ADARB2: variants seen among roughly 807,000 people sequenced by gnomAD.
ADARB2 encodes adenosine deaminase RNA specific B2 (inactive), also known as inactive double-stranded RNA-specific editase B2.
In ADARB2, 25 loss-of-function variants were observed where a neutral mutation model predicts 62.2. The ratio of observed to expected loss-of-function variants is 0.40; its 90% CI spans 0.29 to 0.56. The LOEUF is 0.56. Ranked by LOEUF, ADARB2 falls within the 20% of genes least tolerant of loss-of-function variation. ADARB2 has a pLI of 0.43. For missense variants in ADARB2, 1,071 were observed against 1,077.4 expected (o/e 0.99, Z 0.08); for synonymous variants, 572 against 500.8 (o/e 1.14, Z -1.90).
intron 1 of ADARB2, among the ~76,000 whole-genome samples, chr10:1,503,951 C>T (rs1427836244): frequency 6.6e-6 from 1 of 152,150 alleles, no homozygotes; most frequent in Non-Finnish European, 1.5e-5. Flanking sequence ...CCATTTAAAC[C>T]TCTTTTCTTT....
At chr10:1,554,575 G>A (rs567298191) in intron 1 of ADARB2, among the ~76,000 whole-genome samples, 1 of 152,014 alleles carries the variant, frequency 6.6e-6, no homozygotes, top group Non-Finnish European at 1.5e-5. Flanking sequence ...GGCACAGATG[G>A]CTTCCCTTCA....
chr10:1,562,764 G>A (rs781166214), intron 1 of ADARB2, among the ~76,000 whole-genome samples: 3 of 152,226 alleles, frequency 2.0e-5, no homozygotes, highest in African/African-American at 4.8e-5. Flanking sequence ...TTTGCCTCAC[G>A]TTCTTCAGTA....
At chr10:1,188,820 G>C (rs1207627680) in intron 8 of ADARB2, among the ~76,000 whole-genome samples, 1 of 152,188 alleles carries the variant, frequency 6.6e-6, no homozygotes, top group Non-Finnish European at 1.5e-5. Flanking sequence ...CTCACTATTA[G>C]GTTTGCCGTT....
chr10:1,457,789 G>C (rs1422160549), intron 1 of ADARB2, among the ~76,000 whole-genome samples: 1 of 152,006 alleles, frequency 6.6e-6, no homozygotes, highest in Non-Finnish European at 1.5e-5. Context: ...CCCTAAGACT[G>C]AGTTCTGTGG....
intron 1 of ADARB2, among the ~76,000 whole-genome samples, chr10:1,668,200 T>A (rs1373275257): frequency 6.6e-6 from 1 of 152,150 alleles, no homozygotes; most frequent in Non-Finnish European, 1.5e-5. Flanking sequence ...TTGGGTTCAG[T>A]CTCTCTCTCC....
chr10:1,199,255 G>A (rs1319894793), intron 8 of ADARB2, among the ~76,000 whole-genome samples: 3 of 151,564 alleles, frequency 2.0e-5, no homozygotes, highest in East Asian at 1.9e-4. Flanking sequence ...GCCAGGAGTC[G>A]CCTCCTGTCA....
At chr10:1,647,337 G>A (rs918946096) in intron 1 of ADARB2, among the ~76,000 whole-genome samples, 1 of 152,228 alleles carries the variant, frequency 6.6e-6, no homozygotes, top group Non-Finnish European at 1.5e-5. Context: ...GTGCATATAT[G>A]TGTGCATGTA....
At chr10:1,610,260 C>T (rs1388879721) in intron 1 of ADARB2, among the ~76,000 whole-genome samples, 6 of 152,190 alleles carry the variant, frequency 3.9e-5, no homozygotes, top group African/African-American at 1.2e-4. Context: ...CGCCTCCAGC[C>T]TCTGCACAAG....
intron 1 of ADARB2, among the ~76,000 whole-genome samples, chr10:1,652,528 G>T (rs1037395907): frequency 6.6e-5 from 10 of 152,152 alleles, no homozygotes; most frequent in Non-Finnish European, 5.9e-5. Flanking sequence ...CTTCCTCGGG[G>T]GGCAAATGAG....
chr10:1,328,809 TAGTG>T (rs1321113954), intron 3 of ADARB2, among the ~76,000 whole-genome samples: 1 of 151,710 alleles, frequency 6.6e-6, no homozygotes, highest in Non-Finnish European at 1.5e-5. Context: ...CTGGGCAACA[TAGTG>T]AGACACCCGA....
chr10:1,196,463 T>A (rs1408653107), intron 8 of ADARB2, among the ~76,000 whole-genome samples: 1 of 152,188 alleles, frequency 6.6e-6, no homozygotes, highest in Non-Finnish European at 1.5e-5. Flanking sequence ...TTCCTGGAGT[T>A]AATGATACAA....
chr10:1,583,629 A>G (rs1833135484), intron 1 of ADARB2, among the ~76,000 whole-genome samples: 1 of 152,178 alleles, frequency 6.6e-6, no homozygotes, highest in Non-Finnish European at 1.5e-5. Flanking sequence ...GGATAGGAAG[A>G]CTCAGTATTT....
chr10:1,322,987 T>G (rs1416564266), intron 3 of ADARB2, among the ~76,000 whole-genome samples: 1 of 152,202 alleles, frequency 6.6e-6, no homozygotes, highest in East Asian at 1.9e-4. Flanking sequence ...CTGATACACT[T>G]ACTACAATGG....
At chr10:1,615,543 C>G (rs1833620960) in intron 1 of ADARB2, among the ~76,000 whole-genome samples, 1 of 152,204 alleles carries the variant, frequency 6.6e-6, no homozygotes, top group Non-Finnish European at 1.5e-5. Flanking sequence ...CCGATGCATG[C>G]CATTTCCCTC....
chr10:1,315,920 TTAAA>T (rs1303025483), intron 3 of ADARB2, among the ~76,000 whole-genome samples: 6 of 152,254 alleles, frequency 3.9e-5, no homozygotes, highest in African/African-American at 1.4e-4. Flanking sequence ...CCTCTGATCT[TTAAA>T]TAGCTTTTCT....
At chr10:1,474,340 T>G (rs1010742025) in intron 1 of ADARB2, among the ~76,000 whole-genome samples, 3 of 151,946 alleles carry the variant, frequency 2.0e-5, no homozygotes, top group African/African-American at 7.3e-5. Flanking sequence ...CAGCTGCAGT[T>G]TGGGGATGAG....
intron 1 of ADARB2, among the ~76,000 whole-genome samples, chr10:1,431,699 A>C (rs2131890165): frequency 6.6e-6 from 1 of 152,342 alleles, no homozygotes; most frequent in East Asian, 1.9e-4. Flanking sequence ...AAACTAAAAA[A>C]TGTCTTGCAA....
At chr10:1,483,812 C>A (rs1256859974) in intron 1 of ADARB2, among the ~76,000 whole-genome samples, 2 of 151,250 alleles carry the variant, frequency 1.3e-5, no homozygotes, top group Non-Finnish European at 2.9e-5. Flanking sequence ...ACCATTTCAA[C>A]TTTCAAAGTA....
At chr10:1,675,839 T>C (rs978744517) in intron 1 of ADARB2, among the ~76,000 whole-genome samples, 1 of 152,124 alleles carries the variant, frequency 6.6e-6, no homozygotes, top group Non-Finnish European at 1.5e-5. Context: ...AGGGAAGCCG[T>C]GTCTCTGATC....
Sources: gnomAD v4.1 joint callset for allele counts (sites outside exome capture counted in the v4.1 genomes callset) on GRCh38, gnomAD v4.1.1 for gene constraint, MANE v1.5 for transcripts, NCBI Gene and HGNC (gene_info 2026-07-23, HGNC 2026-07-21) for gene names.